UNC80: variants seen among roughly 807,000 people sequenced by gnomAD.
UNC80 encodes the protein unc-80 subunit of NALCN channel complex, also known as protein unc-80 homolog.
A neutral mutation model predicts 384.6 loss-of-function variants in UNC80; 164 were observed. The observed-to-expected ratio is 0.43, with a 90% CI of 0.38 to 0.49. The LOEUF is 0.49. Ranked by LOEUF, UNC80 falls within the 20% of genes least tolerant of loss-of-function variation. UNC80 has a pLI of 0.00. For synonymous variants in UNC80, 1,486 were observed against 1,527.8 expected (o/e 0.97, Z 0.64); for missense variants, 3,330 against 4,143.0 (o/e 0.80, Z 5.39).
At chr2:209,830,068 T>C (rs2080843739) in intron 15 of UNC80, among the ~76,000 whole-genome samples, 1 of 152,218 alleles carries the variant, frequency 6.6e-6, no homozygotes, top group South Asian at 2.1e-4. Context: ...AGGAAAATAA[T>C]GCATGAAGCC....
At chr2:209,828,903 TA>T (rs1168487106) in intron 14 of UNC80, among the ~76,000 whole-genome samples, 3 of 152,230 alleles carry the variant, frequency 2.0e-5, no homozygotes, top group Non-Finnish European at 2.9e-5. Context: ...ATCACTTATC[TA>T]AATTTCAAAC....
At chr2:209,892,725 T>A (rs1306039568) in intron 26 of UNC80, among the ~76,000 whole-genome samples, 1 of 152,244 alleles carries the variant, frequency 6.6e-6, no homozygotes, top group African/African-American at 2.4e-5. Context: ...TCGTAGTCAT[T>A]ACAAAATTTT....
chr2:209,793,085 T>G (rs1194469084), intron 6 of UNC80, among the ~76,000 whole-genome samples: 1 of 152,214 alleles, frequency 6.6e-6, no homozygotes, highest in Admixed American at 6.5e-5. Flanking sequence ...AGGGTCTTTA[T>G]ACTTTAGTAA....
intron 63 of UNC80, among the ~76,000 whole-genome samples, chr2:209,993,756 G>A (rs1431895755): frequency 1.3e-5 from 2 of 152,154 alleles, no homozygotes; most frequent in African/African-American, 4.8e-5. Context: ...AAGCTATGAT[G>A]AATAATAGGG....
intron 22 of UNC80, among the ~76,000 whole-genome samples, chr2:209,855,485 A>G (rs2082840047): frequency 6.6e-6 from 1 of 152,300 alleles, no homozygotes; most frequent in South Asian, 2.1e-4. Flanking sequence ...ATAAAATGAA[A>G]CAAAATGAAT....
intron 23 of UNC80, 123 bp downstream of exon 23, chr2:209,873,093 G>A (rs1485919374): frequency 7.9e-6 from 7 of 889,304 alleles, no homozygotes; most frequent in Non-Finnish European, 1.2e-5. Flanking sequence ...AGGTACTGAA[G>A]GAAACACTTT....
intron 56 of UNC80, 48 bp downstream of exon 56, chr2:209,973,318 A>G (rs1458684754): frequency 1.4e-6 from 2 of 1,468,954 alleles, no homozygotes; most frequent in South Asian, 2.6e-5. Context: ...GTGTATGTAT[A>G]TGTATGTGAA....
At chr2:209,893,774 A>G (rs554418548) in intron 26 of UNC80, among the ~76,000 whole-genome samples, 1 of 152,324 alleles carries the variant, frequency 6.6e-6, no homozygotes, top group Admixed American at 6.5e-5. Flanking sequence ...GGTTTACGTG[A>G]CAGCTTACAG....
chr2:209,984,967 C>G (rs2093253259), intron 61 of UNC80, 55 bp downstream of exon 61: 1 of 1,434,630 alleles, frequency 7.0e-7, no homozygotes, highest in South Asian at 1.3e-5. Context: ...ACTAGCTGTT[C>G]CCTGTCTCCT....
At chr2:209,868,911 T>G (rs1174382513) in intron 22 of UNC80, among the ~76,000 whole-genome samples, 1 of 152,218 alleles carries the variant, frequency 6.6e-6, no homozygotes, top group Non-Finnish European at 1.5e-5. Context: ...TATAATGGAA[T>G]AGAAGCCTCT....
At chr2:209,803,235 T>C (rs2078673132) in intron 7 of UNC80, among the ~76,000 whole-genome samples, 1 of 152,176 alleles carries the variant, frequency 6.6e-6, no homozygotes, top group African/African-American at 2.4e-5. Flanking sequence ...GTGAACACCA[T>C]CAGATGGGAA....
intron 40 of UNC80, 73 bp downstream of exon 40, chr2:209,935,881 A>T: frequency 1.1e-6 from 1 of 903,772 alleles, no homozygotes; most frequent in Non-Finnish European, 1.7e-6. Flanking sequence ...TCCATTTTAG[A>T]ATAAAATGGC....
intron 48 of UNC80, among the ~76,000 whole-genome samples, chr2:209,955,720 TATATATATATATATATATACAC>T: frequency 1.2e-5 from 1 of 82,332 alleles, no homozygotes; most frequent in South Asian, 4.8e-4. Flanking sequence ...TATATATATA[TATATATATATATATATATACAC>T]ACACACACAC....
chr2:209,862,713 A>G (rs981274981), intron 22 of UNC80, among the ~76,000 whole-genome samples: 1 of 116,694 alleles, frequency 8.6e-6, no homozygotes, highest in African/African-American at 3.6e-5. Flanking sequence ...CTTTATTTTG[A>G]GCCTATGTGT....
intron 28 of UNC80, among the ~76,000 whole-genome samples, chr2:209,896,988 GCAGGGTAT>G (rs925842593): frequency 2.6e-5 from 4 of 152,174 alleles, no homozygotes; most frequent in Non-Finnish European, 5.9e-5. Context: ...TGTACAAGTG[GCAGGGTAT>G]CCCCAGGACC....
intron 51 of UNC80, among the ~76,000 whole-genome samples, chr2:209,967,020 T>C (rs1208832269): frequency 6.6e-6 from 1 of 152,016 alleles, no homozygotes; most frequent in African/African-American, 2.4e-5. Flanking sequence ...TTGATATTAG[T>C]AATTTTATTG....
chr2:209,889,066 T>TA (rs1272222057), intron 26 of UNC80, among the ~76,000 whole-genome samples: 1 of 152,164 alleles, frequency 6.6e-6, no homozygotes, highest in Non-Finnish European at 1.5e-5. Context: ...AAAGAACAGC[T>TA]ACAGTCTTTC....
At chr2:209,831,986 A>T (rs1046357914) in intron 16 of UNC80, among the ~76,000 whole-genome samples, 3 of 152,206 alleles carry the variant, frequency 2.0e-5, no homozygotes, top group African/African-American at 7.2e-5. Flanking sequence ...TATGTTGCTG[A>T]AATTGGTTTT....
At chr2:209,859,269 G>A (rs1200927286) in intron 22 of UNC80, among the ~76,000 whole-genome samples, 1 of 152,108 alleles carries the variant, frequency 6.6e-6, no homozygotes, top group Admixed American at 6.5e-5. Flanking sequence ...TCCCACTTAT[G>A]AGTGAGAACA....
Sources: allele counts gnomAD v4.1 joint callset (sites outside exome capture counted in the v4.1 genomes callset), GRCh38; gene constraint gnomAD v4.1.1; transcripts MANE v1.5; gene names NCBI Gene and HGNC (gene_info 2026-07-23, HGNC 2026-07-21).